Variants in LRRC8A observed in about 807,000 individuals in gnomAD.
LRRC8A encodes the protein volume-regulated anion channel subunit LRRC8A.
A neutral mutation model predicts 52.5 loss-of-function variants in LRRC8A; 24 were observed. The ratio of observed to expected loss-of-function variants is 0.46; its 90% CI spans 0.33 to 0.64. LRRC8A has a LOEUF of 0.64. Among genes scored for constraint, LRRC8A ranks in the 30% least tolerant of loss-of-function variants. LRRC8A has a pLI of 0.02. For missense variants in LRRC8A, 677 were observed against 1,094.7 expected (o/e 0.62, Z 5.38); for synonymous variants, 492 against 494.2 (o/e 1.00, Z 0.06).
At position 128,916,098 on chromosome 9, in the gene LRRC8A, C is replaced by A; in HGVS notation, c.2160C>A (p.Ile720=). 1.2e-6 allele frequency: 2 copies of A among 1,601,340 alleles called. No individual in the cohort carries two copies. Among genetic ancestry groups the A allele is most frequent in the Admixed American group, 1.7e-5 (1 of 59,652 alleles). Residue 720 remains isoleucine, a splice_region_variant and synonymous_variant, in exon 4 of 4, where the codon ATC becomes ATA. Coordinates refer to ENST00000372600, the MANE Select transcript of LRRC8A (RefSeq NM_019594.4). This position sits in a 1 kb window ranked among gnomAD's most constrained non-coding sequence, Gnocchi z 6.1. ...CACCCCTGCTTTTTTCCCTCCAGAT[C>A]GAGACGCTCCCTCCGGAGCTCTTCC... is the stretch of plus-strand genomic sequence containing the variant. ...LQNLAITANR[I]ETLPPELFQC... is the part of the protein sequence containing the mutation.
intron 2 of LRRC8A, among the ~76,000 whole-genome samples, chr9:128,903,034 G>A (rs548334109): frequency 1.3e-5 from 2 of 152,334 alleles, no homozygotes; most frequent in African/African-American, 4.8e-5. Context: ...TGGTGGCGAG[G>A]ACCTGAGCCC....
rs189465081 is a variant in LRRC8A, at chr9:128,911,967, C to T, written c.2157+2646C>T. Among the ~76,000 whole-genome samples, 198 of 152,358 alleles carry T rather than the reference C, an allele frequency of 1.3e-3. No homozygotes were observed. Among genetic ancestry groups the T allele is most frequent in the Admixed American group, 2.5e-3 (39 of 15,302 alleles). ...GCCAGTGGTGACCAGGAGGGGTGGG[C>T]GTGGCCTGCCCACGCCCTTGCGTGC... is the stretch of plus-strand genomic sequence containing the variant. On this transcript the variant is annotated intron_variant, in intron 3 of 3. Coordinates refer to ENST00000372600, the MANE Select transcript of LRRC8A (RefSeq NM_019594.4). The surrounding 1 kb of genome is among the most constrained non-coding windows in gnomAD (Gnocchi z 4.9).
chr9:128,908,898 C>T lies in LRRC8A; in HGVS notation c.1734C>T (p.Gly578=), dbSNP rs780661518. ...AGAAGCTGTCCATCAACAATGAGGG[C>T]ACCAAGCTCATCGTCCTCAACAGCC... ...HLQKLSINNE[G]TKLIVLNSLK... is the part of the protein sequence containing the mutation. The change falls in exon 3 of 4, where the codon GGC becomes GGT. Residue 578 remains glycine (G), a synonymous_variant. Coordinates refer to ENST00000372600, the MANE Select transcript of LRRC8A (RefSeq NM_019594.4). 28 of 1,613,970 alleles carry T rather than the reference C, an allele frequency of 1.7e-5. 1 individual carries two copies. In the South Asian group the frequency reaches 2.7e-4, roughly 16 times the overall value.
At chr9:128,890,130 TTG>T (rs57721007) in intron 2 of LRRC8A, among the ~76,000 whole-genome samples, 25,378 of 128,118 alleles carry the variant, frequency 0.2, 2,989 homozygotes, top group African/African-American at 0.37. Flanking sequence ...TGGCTTCATT[TTG>T]TGTGTGTGTG....
At position 128,886,131 on chromosome 9, in the gene LRRC8A, G is replaced by A. The variant is rs1330031489; in HGVS notation, c.-9+10G>A. The A allele has an allele frequency of 6.5e-6, 1 of 152,702 alleles. No homozygotes were observed. Among genetic ancestry groups the A allele is most frequent in the Non-Finnish European group, 1.5e-5 (1 of 68,406 alleles). 9.5% of individuals were successfully genotyped at this position (152,702 alleles called of 1,614,324 possible). A position where few individuals can be genotyped will look rare whatever the true frequency, so the allele number is the denominator to read the frequency against. On this transcript the variant is annotated intron_variant, in intron 2 of 3. Transcript: ENST00000372600. ...CAGAGCCATCCTTGGGGTAAGGACT[G>A]GGCCCCTCTCCTTCTCAGCCAGCTC...
In LRRC8A at chr9:128,916,098, C is replaced by G; in HGVS notation, c.2160C>G (p.Ile720Met). The G allele has an allele frequency of 6.2e-7, 1 of 1,601,340 alleles. No individual in the cohort carries two copies. Among genetic ancestry groups the G allele is most frequent in the Non-Finnish European group, 8.5e-7 (1 of 1,170,700 alleles). ...LQNLAITANR[I>M]ETLPPELFQC... Reference sequence around the variant, plus strand: ...CACCCCTGCTTTTTTCCCTCCAGATCGAGACGCTCCCTCCGGAGCTCTTCC... The same window carrying G: ...CACCCCTGCTTTTTTCCCTCCAGATGGAGACGCTCCCTCCGGAGCTCTTCC... The change falls in exon 4 of 4, where the codon ATC becomes ATG. Residue 720 changes from isoleucine (I) to methionine (M), a missense_variant and splice_region_variant. Ile to Met is a conservative substitution (Grantham distance 10). This residue lies in a region of LRRC8A where 169 missense variants were observed against 217.6 expected (regional missense o/e 0.78). Transcript: ENST00000372600. This position sits in a 1 kb window ranked among gnomAD's most constrained non-coding sequence, Gnocchi z 6.1.
intron 2 of LRRC8A, among the ~76,000 whole-genome samples, chr9:128,906,316 A>ATTTTTTTTTTT (rs71383620): frequency 1.3e-5 from 1 of 79,270 alleles, no homozygotes; most frequent in Admixed American, 1.7e-4. Context: ...CCCATGTGGA[A>ATTTTTTTTTTT]TTTTTTTTTT....
chr9:128,897,606 G>A (rs933664884), intron 2 of LRRC8A, among the ~76,000 whole-genome samples: 5 of 151,974 alleles, frequency 3.3e-5, no homozygotes, highest in South Asian at 2.1e-4. Flanking sequence ...GTGCAATGGC[G>A]CAATCTCGGC....
intron 1 of LRRC8A, chr9:128,882,758 C>A: frequency 2.5e-6 from 1 of 398,978 alleles, no homozygotes; most frequent in East Asian, 3.6e-5. Flanking sequence ...GGGCAGGATC[C>A]CCGGCTAGGC....
chr9:128,882,356 G>C (rs2130904985), intron 1 of LRRC8A, 106 bp downstream of exon 1: 2 of 198,670 alleles, frequency 1.0e-5, no homozygotes, highest in Admixed American at 1.2e-4. Context: ...GGCATCTGGG[G>C]CTCTGTCTCC....
rs748149279 is a variant in LRRC8A, at chr9:128,907,719, G to C, written c.555G>C (p.Pro185=). ...ETVVEESDPK[P]AFSKMNGSMD... ...TGGTGGAGGAGAGCGACCCCAAGCC[G>C]GCCTTCAGCAAGATGAATGGGTCCA... The change falls in exon 3 of 4, where the codon CCG becomes CCC. Residue 185 remains proline (P), a synonymous_variant. Coordinates refer to ENST00000372600, the MANE Select transcript of LRRC8A (RefSeq NM_019594.4). The surrounding 1 kb of genome is among the most constrained non-coding windows in gnomAD (Gnocchi z 9.3). The C allele has an allele frequency of 6.2e-7, 1 of 1,613,286 alleles. No homozygotes were observed. The highest frequency in any genetic ancestry group is 1.7e-5 in the Admixed American group (1 of 59,902).
chr9:128,903,298 A>G (rs185565780), intron 2 of LRRC8A, among the ~76,000 whole-genome samples: 351 of 151,900 alleles, frequency 2.3e-3, no homozygotes, highest in African/African-American at 8.1e-3. Flanking sequence ...TGAGTGCCCC[A>G]TTCCACCTGC....
intron 2 of LRRC8A, among the ~76,000 whole-genome samples, chr9:128,889,691 C>T (rs1042306914): frequency 3.3e-5 from 5 of 151,914 alleles, no homozygotes; most frequent in African/African-American, 9.7e-5. Context: ...GACGGGGTGT[C>T]ACCATATTGG....
At position 128,916,456 on chromosome 9, in the gene LRRC8A, C is replaced by G; in HGVS notation, c.*85C>G. 6.8e-7 allele frequency: 1 copy of G among 1,473,202 alleles called. No homozygotes were observed. Among genetic ancestry groups the G allele is most frequent in the Non-Finnish European group, 9.0e-7 (1 of 1,107,534 alleles). 91.3% of individuals were successfully genotyped at this position (1,473,202 alleles called of 1,614,324 possible). On this transcript the variant is annotated 3_prime_UTR_variant, in exon 4 of 4. Coordinates refer to ENST00000372600, the MANE Select transcript of LRRC8A (RefSeq NM_019594.4). This position sits in a 1 kb window ranked among gnomAD's most constrained non-coding sequence, Gnocchi z 6.1. ...GGCAGGCCTAGCTTCTCCCAGAACT[C>G]CCGGACAGCCAGGACAGCCTCGTGG...
At position 128,907,293 on chromosome 9, in the gene LRRC8A, G is replaced by A. The variant is rs1221556499; in HGVS notation, c.129G>A (p.Gly43=). 4 of 1,613,914 alleles carry A rather than the reference G, an allele frequency of 2.5e-6. No individual in the cohort carries two copies. The highest frequency in any genetic ancestry group is 2.7e-5 in the African/African-American group (2 of 74,926). The change falls in exon 3 of 4, where the codon GGG becomes GGA. Residue 43 remains glycine (G), a synonymous_variant. Coordinates refer to ENST00000372600, the MANE Select transcript of LRRC8A (RefSeq NM_019594.4). The surrounding 1 kb of genome is among the most constrained non-coding windows in gnomAD (Gnocchi z 9.3). The stretch of plus-strand genomic sequence containing the variant: ...TGCTGATGATTGCCGTCTTCGGGGG[G>A]ACGCTGCAGGTCACCCAAGACAAGA... ...IVMLMIAVFG[G]TLQVTQDKMI...
chr9:128,913,148 C>T (rs1840634769), intron 3 of LRRC8A, among the ~76,000 whole-genome samples: 1 of 151,830 alleles, frequency 6.6e-6, no homozygotes, highest in Non-Finnish European at 1.5e-5. Context: ...GAGGCCAGAG[C>T]GTGGGGCACA....
At position 128,882,616 on chromosome 9, in the gene LRRC8A, C is replaced by T. The variant is rs185012297; in HGVS notation, c.-116+366C>T. ...CACTCTCCCGTTCCTAGAGGTTCCA[C>T]CTCTGGGCTCTCTCCTTGCCATTTC... On this transcript the variant is annotated intron_variant, in intron 1 of 3. Transcript: ENST00000372600. The T allele has an allele frequency of 4.5e-4, 180 of 398,872 alleles. 1 individual carries two copies. The East Asian group carries it at 6.0e-3, about 13-fold the overall frequency. The allele number at this position is 398,872 out of a possible 1,614,324, so 24.7% of individuals were successfully genotyped here.
At chr9:128,884,643 AGAGGAGGG>A (rs1839318159) in intron 1 of LRRC8A, among the ~76,000 whole-genome samples, 1 of 152,138 alleles carries the variant, frequency 6.6e-6, no homozygotes, top group African/African-American at 2.4e-5. Flanking sequence ...GCTTTCTGGA[AGAGGAGGG>A]ACTAGAATAA....
rs1256923482 is a variant in LRRC8A, at chr9:128,892,900, T to C, written c.-9+6779T>C. ...TTGGGAAGTTTTCCTGGCTCAGCCT[T>C]GTTTGTGCTTTCACAAAAGGCTCTC... On this transcript the variant is annotated intron_variant, in intron 2 of 3. Transcript: ENST00000372600. This position sits in a 1 kb window ranked among gnomAD's most constrained non-coding sequence, Gnocchi z 5.2. 1.1e-4 allele frequency among the ~76,000 whole-genome samples: 16 copies of C among 152,168 alleles called. No homozygotes were observed. Among genetic ancestry groups the C allele is most frequent in the Admixed American group, 1.0e-3 (16 of 15,280 alleles).
Sources: gnomAD v4.1 joint callset for allele counts (sites outside exome capture counted in the v4.1 genomes callset) on GRCh38, gnomAD v4.1.1 for gene constraint, gnomAD v4.1.1 regional missense constraint, Gnocchi (gnomAD v3.1) non-coding constraint, MANE v1.5 for transcripts, NCBI Gene and HGNC (gene_info 2026-07-23, HGNC 2026-07-21) for gene names.